ACTR3C: variants seen among roughly 807,000 people sequenced by gnomAD.
ACTR3C encodes the protein actin-related protein 3C.
ACTR3C carries 18 observed loss-of-function variants against 26.3 expected under a neutral mutation model. That is an observed-to-expected ratio of 0.68 (90% CI 0.47 to 1.01). ACTR3C has a LOEUF of 1.01. Ranked by LOEUF, ACTR3C falls within the 50% of genes least tolerant of loss-of-function variation. ACTR3C has a pLI of 0.00. For missense variants in ACTR3C, 184 were observed against 250.7 expected, an observed-to-expected ratio of 0.73 and a Z score of 1.80; for synonymous variants, 55 against 94.5, an observed-to-expected ratio of 0.58 and a Z score of 2.42.
intron 1 of ACTR3C, among the ~76,000 whole-genome samples, chr7:150,322,427 T>C (rs540088326): frequency 6.6e-6 from 1 of 152,350 alleles, no homozygotes; most frequent in African/African-American, 2.4e-5. Flanking sequence ...GGACCTCTGG[T>C]GGTCCTCACT....
rs1836049448 is a variant in ACTR3C, at chr7:150,289,472, A to G, written c.275T>C (p.Leu92Pro). 1 of 1,585,188 alleles carries G rather than the reference A, an allele frequency of 6.3e-7. No individual in the cohort carries two copies. The highest frequency in any genetic ancestry group is 1.7e-5 in the Admixed American group (1 of 57,640). Residue 92 changes from leucine (L) to proline (P), a missense_variant, in exon 4 of 8, where the codon CTG (leucine) becomes CCG (proline). By Grantham distance (98) the Leu-to-Pro change is moderately conservative. Transcript: ENST00000683684. ...TACCTTAATGGCTTTTGCGGTCTCC[A>G]GTGACTGCTCAGGAGGGATTCCCAC... ...REVGIPPEQS[L>P]ETAKAIKEKY...
At chr7:149,929,208 G>T in the ACTR3C span, among the ~76,000 whole-genome samples, 3 of 152,078 alleles carry the variant, frequency 2.0e-5, no homozygotes, top group East Asian at 3.9e-4. Context: ...CGGGTGGATT[G>T]CTTGAGATCA....
chr7:149,905,811 A>G, the ACTR3C span, among the ~76,000 whole-genome samples: 1 of 152,226 alleles, frequency 6.6e-6, no homozygotes, highest in African/African-American at 2.4e-5. Context: ...TCTACGAAAC[A>G]GAAACTCTCA....
At chr7:150,223,038 T>C in the ACTR3C span, among the ~76,000 whole-genome samples, 3 of 152,248 alleles carry the variant, frequency 2.0e-5, no homozygotes. Flanking sequence ...GTATAATCCA[T>C]ACCCCTGTTA....
the ACTR3C span, among the ~76,000 whole-genome samples, chr7:150,034,815 G>A: frequency 2.7e-5 from 4 of 149,212 alleles, no homozygotes; most frequent in Non-Finnish European, 3.0e-5. Flanking sequence ...CCGCCTCGTG[G>A]GGGGTGCCTC....
the ACTR3C span, among the ~76,000 whole-genome samples, chr7:150,052,267 CTTGTTTCCGTTTTTGTTTT>C: frequency 1.3e-5 from 2 of 151,784 alleles, no homozygotes; most frequent in Admixed American, 1.3e-4. Context: ...TGTTTGGTTT[CTTGTTTCCGTTTTTGTTTT>C]TTGCAAGAGA....
the ACTR3C span, among the ~76,000 whole-genome samples, chr7:150,139,462 G>A: frequency 6.6e-6 from 1 of 152,394 alleles, no homozygotes; most frequent in East Asian, 1.9e-4. Context: ...CCTGCCACAG[G>A]TTCCACCTGG....
chr7:150,248,915 G>T, intron 7 of ACTR3C, 33 bp downstream of exon 7: 1 of 494,924 alleles, frequency 2.0e-6, no homozygotes. Flanking sequence ...CAAAAGTAGA[G>T]CCTAGAATTA....
chr7:149,972,124 C>A, the ACTR3C span, among the ~76,000 whole-genome samples: 1 of 152,204 alleles, frequency 6.6e-6, no homozygotes, highest in African/African-American at 2.4e-5. Context: ...GGGCATCTCA[C>A]GGATCTCCCA....
chr7:150,155,794 G>A, the ACTR3C span, among the ~76,000 whole-genome samples: 1 of 140,566 alleles, frequency 7.1e-6, no homozygotes, highest in Non-Finnish European at 1.5e-5. Flanking sequence ...GATGTGTCCT[G>A]CCCTCCCCTC....
chr7:149,978,962 C>A, the ACTR3C span, among the ~76,000 whole-genome samples: 16 of 151,978 alleles, frequency 1.1e-4, no homozygotes, highest in South Asian at 8.4e-4. Context: ...CTGGGTCCTA[C>A]CGTGAGCGGA....
the ACTR3C span, among the ~76,000 whole-genome samples, chr7:150,143,191 T>C: frequency 6.6e-6 from 1 of 151,998 alleles, no homozygotes; most frequent in East Asian, 1.9e-4. Context: ...CACCCAGAGA[T>C]TGGCCAATGG....
At chr7:150,161,675 C>G in the ACTR3C span, among the ~76,000 whole-genome samples, 1 of 152,032 alleles carries the variant, frequency 6.6e-6, no homozygotes, top group Non-Finnish European at 1.5e-5. Flanking sequence ...GGTATATACC[C>G]AAAGGAATAT....
At chr7:150,121,660 A>T in the ACTR3C span, among the ~76,000 whole-genome samples, 1 of 149,804 alleles carries the variant, frequency 6.7e-6, no homozygotes, top group Non-Finnish European at 1.5e-5. Context: ...ATACTGCCCA[A>T]AGTAATTTAT....
intron 1 of ACTR3C, among the ~76,000 whole-genome samples, chr7:150,296,366 A>T (rs1836739792): frequency 6.7e-6 from 1 of 149,238 alleles, no homozygotes; most frequent in African/African-American, 2.5e-5. Context: ...GAAAAAAAAA[A>T]ATATCTGGAA....
chr7:150,179,150 T>C, the ACTR3C span, among the ~76,000 whole-genome samples: 1 of 145,592 alleles, frequency 6.9e-6, no homozygotes, highest in Non-Finnish European at 1.5e-5. Context: ...ATTTAATGTC[T>C]ACCAAATAAC....
At chr7:150,041,900 TC>T in the ACTR3C span, among the ~76,000 whole-genome samples, 5 of 122,772 alleles carry the variant, frequency 4.1e-5, no homozygotes, top group African/African-American at 5.7e-5. Flanking sequence ...GCGATGGGGG[TC>T]CTCAGAGCCA....
intron 1 of ACTR3C, among the ~76,000 whole-genome samples, chr7:150,317,820 G>A (rs1253536008): frequency 3.3e-5 from 5 of 152,086 alleles, no homozygotes; most frequent in African/African-American, 1.2e-4. Flanking sequence ...CAGTAGCTGA[G>A]GAAATGGATT....
the ACTR3C span, among the ~76,000 whole-genome samples, chr7:150,006,191 T>TTTA: frequency 2.0e-5 from 3 of 149,572 alleles, no homozygotes; most frequent in African/African-American, 7.5e-5. Context: ...ACAGAATTTA[T>TTTA]TTATTTATTT....
Sources: gnomAD v4.1 joint callset for allele counts (sites outside exome capture counted in the v4.1 genomes callset) on GRCh38, gnomAD v4.1.1 for gene constraint, MANE v1.5 for transcripts, NCBI Gene and HGNC (gene_info 2026-07-23, HGNC 2026-07-21) for gene names.